The following PIGO variants were observed in gnomAD, a reference collection of about 807,000 sequenced individuals.
PIGO encodes the protein GPI ethanolamine phosphate transferase 3, catalytic subunit.
A neutral mutation model predicts 86.9 loss-of-function variants in PIGO; 66 were observed. That is an observed-to-expected ratio of 0.76 (90% CI 0.62 to 0.93). PIGO has a LOEUF of 0.93. PIGO is among the 40% of genes least tolerant of loss of function. The pLI is 0.00. For missense variants in PIGO, 1,202 were observed against 1,359.1 expected (o/e 0.88, Z 1.82); for synonymous variants, 570 against 556.4 (o/e 1.02, Z -0.34).
In PIGO at chr9:35,096,512, G is replaced by C. The variant is rs1829680021; in HGVS notation, c.-359C>G. On this transcript the variant is annotated 5_prime_UTR_variant, in exon 1 of 11. Coordinates refer to ENST00000378617, the MANE Select transcript of PIGO (RefSeq NM_032634.4). ...GGAAGAGGGAGACTCCCTTACTTCA[G>C]GGTGAGGGGAATACCGGGGGGTGAG... 6.6e-6 allele frequency: 1 copy of C among 152,438 alleles called. No homozygotes were observed. Among genetic ancestry groups the C allele is most frequent in the Non-Finnish European group, 1.5e-5 (1 of 68,182 alleles). The allele number at this position is 152,438 out of a possible 1,614,324, so 9.4% of individuals were successfully genotyped here. A position where few individuals can be genotyped will look rare whatever the true frequency, so the allele number is the denominator to read the frequency against.
chr9:35,090,720 C>A, intron 7 of PIGO, 48 bp from the exon 8 acceptor site: 2 of 1,558,752 alleles, frequency 1.3e-6, no homozygotes, highest in Non-Finnish European at 1.8e-6. Flanking sequence ...ATTCCCTAAT[C>A]CATAGGCTAC....
chr9:35,090,016 G>A (rs1829338522), intron 9 of PIGO, 50 bp downstream of exon 9: 3 of 1,574,176 alleles, frequency 1.9e-6, no homozygotes, highest in South Asian at 1.1e-5. Flanking sequence ...AGAAAGTGAT[G>A]CACACACAGA....
rs1377756172 is a variant in PIGO at position 35,092,674 on chromosome 9, C to T, written c.1213G>A (p.Ala405Thr). The change falls in exon 7 of 11, where the codon GCT (alanine) becomes ACT (threonine). Residue 405 changes from alanine (A) to threonine (T), a missense_variant. Physicochemically the swap from Ala to Thr is moderately conservative, Grantham distance 58. Transcript: ENST00000378617. ...CTCTGGAGAAGCCACTGGTAGTCAG[C>T]AGAGGCCTTGGAGAAGAGGTTCTGC... is the stretch of plus-strand genomic sequence containing the variant. ...QLQNLFSKASADYQWLLQSPK... is the reference protein window; with the variant it reads ...QLQNLFSKASTDYQWLLQSPK... 6.2e-7 allele frequency: 1 copy of T among 1,614,206 alleles called. No homozygotes were observed. The highest frequency in any genetic ancestry group is 1.7e-5 in the Admixed American group (1 of 60,028).
Position 35,089,367 on chromosome 9 carries a change from C to A in PIGO, c.3140+13G>T. 1 of 1,614,216 alleles carries A rather than the reference C, an allele frequency of 6.2e-7. No homozygotes were observed. The highest frequency in any genetic ancestry group is 1.1e-5 in the South Asian group (1 of 91,086). On this transcript the variant is annotated intron_variant, in intron 10 of 10. Transcript: ENST00000378617. The stretch of plus-strand genomic sequence containing the variant: ...CTCCCCACCACCTCTACTTCTCAAG[C>A]AAATCTACTCACTTAGGGGCAAACA...
rs774508288 is a variant in PIGO at position 35,092,076 on chromosome 9, C to CG, written c.1810dup (p.Arg604ProfsTer40). On this transcript the variant is annotated frameshift_variant, in exon 7 of 11. Transcript: ENST00000378617. LOFTEE classifies it high-confidence loss of function. Reference sequence around the variant, plus strand: ...GTTTGTTGTGGCTGAAGTGCCAAGGCGGGGCATTGTGAGTAGCTTAGGTGG... The same window carrying CG: ...GTTTGTTGTGGCTGAAGTGCCAAGGCGGGGGCATTGTGAGTAGCTTAGGTGG... 3.0e-4 allele frequency: 487 copies of CG among 1,614,072 alleles called. No individual in the cohort carries two copies. Among genetic ancestry groups the CG allele is most frequent in the Non-Finnish European group, 4.0e-4 (472 of 1,180,038 alleles).
In PIGO at chr9:35,090,504, A is replaced by G; in HGVS notation, c.2816T>C (p.Val939Ala). ...GSCTWLPALL[V>A]GANTFASHLL... ...GTGGGAGGCAAAGGTGTTGGCTCCC[A>G]CTAGCAAAGCAGGCAGCCAAGTACA... The change falls in exon 8 of 11, where the codon GTG (valine) becomes GCG (alanine). Residue 939 changes from valine (V) to alanine (A), a missense_variant. Transcript: ENST00000378617. The G allele has an allele frequency of 6.2e-7, 1 of 1,613,694 alleles. No individual in the cohort carries two copies. Among genetic ancestry groups the G allele is most frequent in the Non-Finnish European group, 8.5e-7 (1 of 1,179,606 alleles).
At position 35,095,577 on chromosome 9, in the gene PIGO, TG is replaced by T; in HGVS notation, c.-1-12del. ...GAGGCTTTCTGCATCCTGATAGGGG[TG>T]GGGAAGTAAATTCATTACTGTGGGG... On this transcript the variant is annotated splice_polypyrimidine_tract_variant and intron_variant, in intron 1 of 10. Coordinates refer to ENST00000378617, the MANE Select transcript of PIGO (RefSeq NM_032634.4). 2 of 1,531,782 alleles carry T rather than the reference TG, an allele frequency of 1.3e-6. No homozygotes were observed. Among genetic ancestry groups the T allele is most frequent in the Non-Finnish European group, 1.7e-6 (2 of 1,142,924 alleles). The allele number at this position is 1,531,782 out of a possible 1,614,324, so 94.9% of individuals were successfully genotyped here. A position where few individuals can be genotyped will look rare whatever the true frequency, so the allele number is the denominator to read the frequency against.
In PIGO at chr9:35,095,081, T is replaced by C. The variant is rs1480805750; in HGVS notation, c.485A>G (p.Asn162Ser). ...TGCACTGGTGAGCTGCTTAATGAGA[T>C]TGTCTTCCACTATGGCGTGGCTGGC... is the stretch of plus-strand genomic sequence containing the variant. ...NFASHAIVEDNLIKQLTSAGR... is the reference protein window; with the variant it reads ...NFASHAIVEDSLIKQLTSAGR... Residue 162 changes from asparagine to serine, a missense_variant, in exon 2 of 11, where the codon AAT (asparagine) becomes AGT (serine). By Grantham distance (46) the Asn-to-Ser change is conservative. Transcript: ENST00000378617. 13 of 1,610,708 alleles carry C rather than the reference T, an allele frequency of 8.1e-6. No homozygotes were observed. Among genetic ancestry groups the C allele is most frequent in the South Asian group, 2.2e-5 (2 of 90,654 alleles).
rs1587166550 is a variant in PIGO at position 35,092,337 on chromosome 9, GC to G, written c.1549del (p.Ala517LeufsTer3). 1.2e-5 allele frequency: 19 copies of G among 1,614,120 alleles called. No homozygotes were observed. Among genetic ancestry groups the G allele is most frequent in the African/African-American group, 4.0e-5 (3 of 74,948 alleles). On this transcript the variant is annotated frameshift_variant, in exon 7 of 11. Coordinates refer to ENST00000378617, the MANE Select transcript of PIGO (RefSeq NM_032634.4). LOFTEE classifies it high-confidence loss of function. ...AAAAGGGAGGAATGAGCTCACTGCA[GC>G]CACAGCCCCTAGAAGCACTAGATCT... is the stretch of plus-strand genomic sequence containing the variant. The part of the protein sequence containing the change: ...KLDLVLLGAV[A>X]AVSSFLPFLW...
chr9:35,093,809 C>G lies in PIGO; in HGVS notation c.779+92G>C, dbSNP rs58684907. 0.016 allele frequency: 25,384 copies of G among 1,553,584 alleles called. 1,720 individuals are homozygous for G. The African/African-American group carries it at 0.19, about 12-fold the overall frequency. On this transcript the variant is annotated intron_variant, in intron 4 of 10. Coordinates refer to ENST00000378617, the MANE Select transcript of PIGO (RefSeq NM_032634.4). ...GCTTCAGCAGAAGGCCTAGAGAAGA[C>G]AGAATTCAGCCAGGAAAGAAGCTCT...
rs754686515 is a variant in PIGO, at chr9:35,095,165, C to T, written c.401G>A (p.Arg134His). 24 of 1,614,028 alleles carry T rather than the reference C, an allele frequency of 1.5e-5. No individual in the cohort carries two copies. Among genetic ancestry groups the T allele is most frequent in the African/African-American group, 5.3e-5 (4 of 74,896 alleles). ...TGAGCCAGTGGTGAGGGCCTTGAGG[C>T]GCTGCATGGTGGTGGTAGGAGGGTC... ...QVDPPTTTMQ[R>H]LKALTTGSLP... is the part of the protein sequence containing the mutation. The change falls in exon 2 of 11, where the codon CGC becomes CAC. Residue 134 changes from arginine to histidine, a missense_variant. Coordinates refer to ENST00000378617, the MANE Select transcript of PIGO (RefSeq NM_032634.4).
At chr9:35,089,820 A>T in intron 9 of PIGO, 1 of 1,404,014 alleles carries the variant, frequency 7.1e-7, no homozygotes, top group South Asian at 1.6e-5. Flanking sequence ...CCACTGATAG[A>T]GTAATCCTCA....
rs1414123378 is a variant in PIGO, at chr9:35,092,422, A to G, written c.1465T>C (p.Trp489Arg). 1.2e-6 allele frequency: 2 copies of G among 1,614,252 alleles called. 1 individual carries two copies. Among genetic ancestry groups the G allele is most frequent in the South Asian group, 2.2e-5 (2 of 91,086 alleles). Residue 489 changes from tryptophan to arginine, a missense_variant, in exon 7 of 11, where the codon TGG (tryptophan) becomes CGG (arginine). Transcript: ENST00000378617. ...TACGCTATGGCCCCAACCAGGCCCCAGGCCACAGGTGTCAGGAGTAGAGGG... is the reference window on the plus strand; with the variant it reads ...TACGCTATGGCCCCAACCAGGCCCCGGGCCACAGGTGTCAGGAGTAGAGGG... Reference protein sequence around the residue: ...FCPLLLTPVAWGLVGAIAYAG... With the variant: ...FCPLLLTPVARGLVGAIAYAG...
intron 2 of PIGO, among the ~76,000 whole-genome samples, chr9:35,094,848 C>T (rs1041090729): frequency 3.1e-4 from 47 of 152,082 alleles, no homozygotes; most frequent in Non-Finnish European, 5.3e-4. Context: ...AACTGAGCTC[C>T]CTACCAGCAG....
chr9:35,090,979 A>T (rs1164944147), intron 7 of PIGO: 1 of 573,964 alleles, frequency 1.7e-6, no homozygotes, highest in African/African-American at 1.9e-5. Flanking sequence ...AAATGTGCTC[A>T]TGAGGATGCA....
In PIGO at chr9:35,091,688, C is replaced by T. The variant is rs763993133; in HGVS notation, c.2199G>A (p.Arg733=). The T allele has an allele frequency of 1.9e-6, 3 of 1,612,630 alleles. No individual in the cohort carries two copies. Among genetic ancestry groups the T allele is most frequent in the South Asian group, 2.2e-5 (2 of 91,084 alleles). ...SGADEAPPRL[R]VLVSGASMVL... is the part of the protein sequence containing the mutation. ...CCATGGATGCCCCAGAGACCAGGAC[C>T]CGGAGACGGGGGGGAGCCTCATCTG... The change falls in exon 7 of 11, where the codon CGG becomes CGA. Residue 733 remains arginine, a synonymous_variant. Transcript: ENST00000378617.
Position 35,090,615 on chromosome 9 carries a change from G to C in PIGO, c.2705C>G (p.Thr902Ser), listed in dbSNP as rs372802683. The C allele has an allele frequency of 2.3e-4, 377 of 1,613,936 alleles. No individual in the cohort carries two copies. Among genetic ancestry groups the C allele is most frequent in the Non-Finnish European group, 3.0e-4 (352 of 1,180,046 alleles). The change falls in exon 8 of 11, where the codon ACC (threonine) becomes AGC (serine). Residue 902 changes from threonine to serine, a missense_variant. Thr to Ser is a moderately conservative substitution (Grantham distance 58). Transcript: ENST00000378617. ...VSAWALMATQ[T>S]FYSTGHQPVF... The stretch of plus-strand genomic sequence containing the variant: ...AGGCTGGTGGCCTGTGGAGTAGAAG[G>C]TCTGTGTGGCCATGAGGGCCCAAGC...
Position 35,095,504 on chromosome 9 carries a change from A to G in PIGO, c.62T>C (p.Ile21Thr). 1 of 1,610,866 alleles carries G rather than the reference A, an allele frequency of 6.2e-7. No individual in the cohort carries two copies. Among genetic ancestry groups the G allele is most frequent in the Non-Finnish European group, 8.5e-7 (1 of 1,178,364 alleles). Residue 21 changes from isoleucine (I) to threonine (T), a missense_variant, in exon 2 of 11, where the codon ATT (isoleucine) becomes ACT (threonine). Transcript: ENST00000378617. ...CAGGAAGCCACTGGTGAAGAGGGCA[A>G]TGCCAGCGTAGAAGAGGAAGCAGAC... Reference protein sequence around the residue: ...AWVCFLFYAGIALFTSGFLLT... With the variant: ...AWVCFLFYAGTALFTSGFLLT...
rs778492726 is a variant in PIGO, at chr9:35,090,241, T to A, written c.2894A>T (p.Glu965Val). ...PLLLLWPFLC[E>V]SQGLRKRQQP... ...CTGTCTCTTCCGCAGCCCTTGACTC[T>A]CACACAGGAAAGGCCAGAGCAGGAG... The change falls in exon 9 of 11, where the codon GAG (glutamate) becomes GTG (valine). Residue 965 changes from glutamate to valine, a missense_variant. Transcript: ENST00000378617. 6.2e-7 allele frequency: 1 copy of A among 1,614,122 alleles called. No individual in the cohort carries two copies.
Sources: allele counts gnomAD v4.1 joint callset (sites outside exome capture counted in the v4.1 genomes callset), GRCh38; gene constraint gnomAD v4.1.1; transcripts MANE v1.5; gene names NCBI Gene and HGNC (gene_info 2026-07-23, HGNC 2026-07-21).